The following MCM9 variants were observed in gnomAD, a reference collection of about 807,000 sequenced individuals.
MCM9 encodes DNA helicase MCM9.
In MCM9, 55 loss-of-function variants were observed where a neutral mutation model predicts 72.8. The observed-to-expected ratio is 0.76, with a 90% CI of 0.61 to 0.95. MCM9 has a LOEUF of 0.95. Ranked by LOEUF, MCM9 falls within the 40% of genes least tolerant of loss-of-function variation. The pLI is 0.00. For missense variants in MCM9, 1,279 were observed against 1,377.0 expected (o/e 0.93, Z 1.13); for synonymous variants, 480 against 503.4 (o/e 0.95, Z 0.62).
chr6:118,930,574 T>C, intron 3 of MCM9, among the ~76,000 whole-genome samples: 1 of 152,166 alleles, frequency 6.6e-6, no homozygotes. Flanking sequence ...AATGGCATAG[T>C]TAAATTTTGT....
At chr6:118,916,791 C>A (rs1316278369) in intron 6 of MCM9, among the ~76,000 whole-genome samples, 3 of 152,146 alleles carry the variant, frequency 2.0e-5, no homozygotes, top group Non-Finnish European at 4.4e-5. Flanking sequence ...CGTGAGCCAC[C>A]ATGCCCAGCT....
intron 9 of MCM9, among the ~76,000 whole-genome samples, chr6:118,853,488 T>G (rs1583438694): frequency 6.6e-6 from 1 of 151,040 alleles, no homozygotes. Context: ...GGGGAACAGG[T>G]GGTGTTTGGG....
intron 8 of MCM9, among the ~76,000 whole-genome samples, chr6:118,869,999 T>C (rs1777494564): frequency 6.6e-6 from 1 of 152,052 alleles, no homozygotes; most frequent in African/African-American, 2.4e-5. Flanking sequence ...ACCTAACATA[T>C]AAAGCAAACT....
intron 9 of MCM9, among the ~76,000 whole-genome samples, chr6:118,842,601 C>G (rs1361719776): frequency 6.6e-6 from 1 of 152,168 alleles, no homozygotes; most frequent in African/African-American, 2.4e-5. Flanking sequence ...CTCACTGCAG[C>G]CTCAACCTCC....
chr6:118,869,741 A>G (rs1777478139), intron 8 of MCM9, among the ~76,000 whole-genome samples: 1 of 152,096 alleles, frequency 6.6e-6, no homozygotes, highest in South Asian at 2.1e-4. Flanking sequence ...AAGACCTAAC[A>G]TAGGATGCCT....
At chr6:118,913,507 T>A (rs1440958674) in intron 6 of MCM9, 87 bp from the exon 7 acceptor site, 8 of 1,520,880 alleles carry the variant, frequency 5.3e-6, no homozygotes, top group Non-Finnish European at 7.2e-6. Flanking sequence ...CTGACCATCC[T>A]CATTTAAATA....
intron 6 of MCM9, among the ~76,000 whole-genome samples, chr6:118,913,800 A>G (rs182955767): frequency 6.6e-6 from 1 of 152,074 alleles, no homozygotes; most frequent in East Asian, 1.9e-4. Flanking sequence ...ACGTGGTCTC[A>G]CTATGTTGCC....
At chr6:118,925,905 TA>T (rs571687385) in intron 3 of MCM9, among the ~76,000 whole-genome samples, 39 of 151,902 alleles carry the variant, frequency 2.6e-4, no homozygotes, top group Middle Eastern at 6.8e-3. Context: ...ATGAATACTT[TA>T]AAAAAAATAT....
intron 9 of MCM9, among the ~76,000 whole-genome samples, chr6:118,832,110 T>C (rs1774601568): frequency 6.6e-6 from 1 of 152,174 alleles, no homozygotes; most frequent in East Asian, 1.9e-4. Context: ...CCCCAGGCTG[T>C]AGTGCAGTGG....
intron 10 of MCM9, among the ~76,000 whole-genome samples, chr6:118,828,629 C>A (rs1164000592): frequency 6.6e-6 from 1 of 152,198 alleles, no homozygotes; most frequent in Non-Finnish European, 1.5e-5. Flanking sequence ...AGGTGATCCA[C>A]CTGTCTCAGC....
At chr6:118,850,008 G>A (rs556723647) in intron 9 of MCM9, among the ~76,000 whole-genome samples, 4 of 151,900 alleles carry the variant, frequency 2.6e-5, no homozygotes, top group Middle Eastern at 6.8e-3. Flanking sequence ...ATATAGGTTT[G>A]ACTTTGTTAA....
chr6:118,930,464 C>T (rs1331126360), intron 3 of MCM9, among the ~76,000 whole-genome samples: 2 of 152,242 alleles, frequency 1.3e-5, no homozygotes, highest in African/African-American at 4.8e-5. Context: ...AACTTAATCA[C>T]AGACTGCCCT....
At chr6:118,834,686 C>T (rs974715308) in intron 9 of MCM9, among the ~76,000 whole-genome samples, 3 of 151,928 alleles carry the variant, frequency 2.0e-5, no homozygotes, top group Admixed American at 2.0e-4. Flanking sequence ...ATCCTTCACC[C>T]ACTTTTTGAT....
At chr6:118,897,616 T>A (rs1434784878) in intron 8 of MCM9, among the ~76,000 whole-genome samples, 1 of 152,124 alleles carries the variant, frequency 6.6e-6, no homozygotes, top group Non-Finnish European at 1.5e-5. Context: ...AAAATTCTCT[T>A]GATGACTTCC....
chr6:118,921,135 A>G (rs1267572406), intron 5 of MCM9: 1 of 152,212 alleles, frequency 6.6e-6, no homozygotes, highest in Non-Finnish European at 1.5e-5. Flanking sequence ...ATTGCAGATT[A>G]TTATCCAGAT....
intron 13 of MCM9, among the ~76,000 whole-genome samples, chr6:118,824,005 A>G (rs972496711): frequency 1.2e-4 from 17 of 139,142 alleles, no homozygotes; most frequent in African/African-American, 4.6e-4. Context: ...CATTCACAGT[A>G]GGTTTGAAAA....
chr6:118,862,302 C>T (rs1326829831), intron 8 of MCM9, among the ~76,000 whole-genome samples: 1 of 152,224 alleles, frequency 6.6e-6, no homozygotes, highest in South Asian at 2.1e-4. Context: ...CTGTTCCTGG[C>T]CCCTGCCAGC....
rs186730811 is a variant in MCM9, at chr6:118,860,944, G to A, written c.1151-4399C>T. Among the ~76,000 whole-genome samples the A allele has an allele frequency of 7.9e-5, 12 of 152,316 alleles. No homozygotes were observed. The East Asian group carries it at 2.3e-3, about 29-fold the overall frequency. ...TGTGGTTGGAGGTGCCGCTGCATGA[G>A]TTTTACTCACATCTGCTGGGCTTGT... On this transcript the variant is annotated intron_variant, in intron 8 of 13. Transcript: ENST00000619706.
At chr6:118,909,230 A>G (rs1011918877) in intron 8 of MCM9, 3 of 152,236 alleles carry the variant, frequency 2.0e-5, no homozygotes, top group African/African-American at 7.2e-5. Context: ...TAAAGCATAT[A>G]CAGCCAAATC....
Sources: allele counts gnomAD v4.1 joint callset (sites outside exome capture counted in the v4.1 genomes callset), GRCh38; gene constraint gnomAD v4.1.1; transcripts MANE v1.5; gene names NCBI Gene and HGNC (gene_info 2026-07-23, HGNC 2026-07-21).